ROBO4: variants seen among roughly 807,000 people sequenced by gnomAD.
ROBO4 encodes the protein roundabout homolog 4.
A neutral mutation model predicts 103.3 loss-of-function variants in ROBO4; 80 were observed. That is an observed-to-expected ratio of 0.77 (90% CI 0.65 to 0.93). The LOEUF (loss-of-function observed/expected upper bound fraction) is 0.93. Among genes scored for constraint, ROBO4 ranks in the 40% least tolerant of loss-of-function variants. The pLI is 0.00. For synonymous variants in ROBO4, 504 were observed against 529.7 expected, an observed-to-expected ratio of 0.95 and a Z score of 0.67; for missense variants, 1,333 against 1,305.3, an observed-to-expected ratio of 1.02 and a Z score of -0.33.
In ROBO4 at chr11:124,896,104, A is replaced by T. The variant is rs1175030793; in HGVS notation, c.679+94T>A. On this transcript the variant is annotated intron_variant, in intron 4 of 17. Transcript: ENST00000306534. The stretch of plus-strand genomic sequence containing the variant: ...TGAGACCCCCAGCACTTTGACCCTG[A>T]CCCCACATACCTTAACCCCAGCCCA... The T allele has an allele frequency of 3.9e-6, 6 of 1,554,212 alleles. No individual in the cohort carries two copies. In the Admixed American group the frequency reaches 1.1e-4, roughly 28 times the overall value.
intron 1 of ROBO4, 154 bp downstream of exon 1, chr11:124,897,572 A>G (rs1946918962): frequency 6.2e-6 from 4 of 642,182 alleles, no homozygotes; most frequent in South Asian, 5.9e-5. Flanking sequence ...ACATGCACAA[A>G]CACACATACA....
chr11:124,889,181 T>C (rs1022294270), intron 12 of ROBO4, among the ~76,000 whole-genome samples: 3 of 152,196 alleles, frequency 2.0e-5, no homozygotes, highest in Non-Finnish European at 4.4e-5. Flanking sequence ...CTTTGGCTGT[T>C]TGGTTTTTAT....
At position 124,887,507 on chromosome 11, in the gene ROBO4, A is replaced by G; in HGVS notation, c.2057-8T>C. On this transcript the variant is annotated splice_polypyrimidine_tract_variant and splice_region_variant and intron_variant, in intron 13 of 17. Coordinates refer to ENST00000306534, the MANE Select transcript of ROBO4 (RefSeq NM_019055.6). The stretch of plus-strand genomic sequence containing the variant: ...GAGCTTGGGGCACAGCTCCTGGGGA[A>G]GAGAAGCCTGGGTGTGAGAACAGTG... 1.9e-6 allele frequency: 3 copies of G among 1,613,310 alleles called. No individual in the cohort carries two copies. The highest frequency in any genetic ancestry group is 2.5e-6 in the Non-Finnish European group (3 of 1,179,744).
intron 6 of ROBO4, 121 bp from the exon 7 acceptor site, chr11:124,895,314 T>TG (rs746945109): frequency 1.2e-4 from 137 of 1,151,042 alleles, no homozygotes; most frequent in Non-Finnish European, 1.6e-4. Flanking sequence ...CTTGAAGCTC[T>TG]GCTGGCCTGG....
chr11:124,886,536 G>C lies in ROBO4; in HGVS notation c.2722C>G (p.Arg908Gly), dbSNP rs377333725. Residue 908 changes from arginine (R) to glycine (G), a missense_variant, in exon 16 of 18, where the codon CGG (arginine) becomes GGG (glycine). By Grantham distance (125) the Arg-to-Gly change is moderately radical. Coordinates refer to ENST00000306534, the MANE Select transcript of ROBO4 (RefSeq NM_019055.6). Reference protein sequence around the residue: ...GSFLADAHFARALAVAVDSFG... With the variant: ...GSFLADAHFAGALAVAVDSFG... Reference sequence around the variant, plus strand: ...CTATCCACAGCCACTGCCAGGGCCCGGGCAAAGTGAGCATCAGCGAGGAAG... The same window carrying C: ...CTATCCACAGCCACTGCCAGGGCCCCGGCAAAGTGAGCATCAGCGAGGAAG... 16 of 1,614,058 alleles carry C rather than the reference G, an allele frequency of 9.9e-6. No homozygotes were observed. Among genetic ancestry groups the C allele is most frequent in the Non-Finnish European group, 1.3e-5 (15 of 1,180,042 alleles).
At chr11:124,887,648 C>G in intron 13 of ROBO4, 85 bp downstream of exon 13, 1 of 1,535,856 alleles carries the variant, frequency 6.5e-7, no homozygotes, top group African/African-American at 1.4e-5. Context: ...AGGATGAGCC[C>G]GTGGGAGGGC....
chr11:124,887,255 C>A, intron 14 of ROBO4, 42 bp from the exon 15 acceptor site: 1 of 1,589,740 alleles, frequency 6.3e-7, no homozygotes, highest in East Asian at 2.2e-5. Flanking sequence ...GTTACTACAG[C>A]TCTTCAAGTC....
chr11:124,897,028 C>T lies in ROBO4; in HGVS notation c.304G>A (p.Gly102Ser), dbSNP rs765219438. The change falls in exon 2 of 18, where the codon GGC becomes AGC. Residue 102 changes from glycine (G) to serine (S), a missense_variant. Gly to Ser is a moderately conservative substitution (Grantham distance 56, BLOSUM62 0). Transcript: ENST00000306534. ...QPPARGHAHD[G>S]QALSTDLGVY... The stretch of plus-strand genomic sequence containing the variant: ...CCCAGGTCTGTGGACAGGGCCTGGC[C>T]ATCGTGGGCATGTCCCCGGGCAGGG... 1 of 1,613,920 alleles carries T rather than the reference C, an allele frequency of 6.2e-7. No individual in the cohort carries two copies. The highest frequency in any genetic ancestry group is 1.3e-5 in the African/African-American group (1 of 74,938).
chr11:124,885,192 G>A lies in ROBO4; in HGVS notation c.2850C>T (p.Ser950=). Residue 950 remains serine (S), a synonymous_variant, in exon 17 of 18, where the codon TCC becomes TCT. Coordinates refer to ENST00000306534, the MANE Select transcript of ROBO4 (RefSeq NM_019055.6). ...RDEIFLTPNL[S]LPLWEWRPDW... ...CTGGCCTCCACTCCCACAGGGGCAGGGAGAGGTTGGGGGTCAGGAAGATCT... is the reference window on the plus strand; with the variant it reads ...CTGGCCTCCACTCCCACAGGGGCAGAGAGAGGTTGGGGGTCAGGAAGATCT... 6.2e-7 allele frequency: 1 copy of A among 1,613,904 alleles called. No individual in the cohort carries two copies. The highest frequency in any genetic ancestry group is 8.5e-7 in the Non-Finnish European group (1 of 1,180,030).
At position 124,894,050 on chromosome 11, in the gene ROBO4, A is replaced by G; in HGVS notation, c.1319-5T>C. 1.9e-6 allele frequency: 3 copies of G among 1,544,370 alleles called. No homozygotes were observed. The highest frequency in any genetic ancestry group is 2.6e-6 in the Non-Finnish European group (3 of 1,144,786). On this transcript the variant is annotated splice_polypyrimidine_tract_variant and splice_region_variant and intron_variant, in intron 8 of 17. Transcript: ENST00000306534. ...TGGCTCGCTCCATGGCCTGCTCTGT[A>G]TGGGATGCAGAGCTCAGAGGGAGAG...
At position 124,897,201 on chromosome 11, in the gene ROBO4, T is replaced by G. The variant is rs766405822; in HGVS notation, c.131A>C (p.Gln44Pro). Residue 44 changes from glutamine (Q) to proline (P), a missense_variant, in exon 2 of 18, where the codon CAG becomes CCG. By Grantham distance (76) the Gln-to-Pro change is moderately conservative. Transcript: ENST00000306534. ...ILVHPQDQLF[Q>P]GPGPARMSCQ... is the part of the protein sequence containing the mutation. The stretch of plus-strand genomic sequence containing the variant: ...GCTCATCCTGGCAGGGCCAGGGCCC[T>G]GGAACAGCTGGTCCTGGGGGTGGAC... 8.0e-6 allele frequency: 12 copies of G among 1,501,686 alleles called. No homozygotes were observed. The highest frequency in any genetic ancestry group is 1.1e-5 in the Non-Finnish European group (12 of 1,125,632). The allele number at this position is 1,501,686 out of a possible 1,614,324, so 93.0% of individuals were successfully genotyped here. A position where few individuals can be genotyped will look rare whatever the true frequency, so the allele number is the denominator to read the frequency against.
Position 124,894,008 on chromosome 11 carries a change from C to A in ROBO4, c.1356G>T (p.Glu452Asp). The A allele has an allele frequency of 6.4e-7, 1 of 1,565,942 alleles. No individual in the cohort carries two copies. Among genetic ancestry groups the A allele is most frequent in the South Asian group, 1.2e-5 (1 of 82,126 alleles). ...GCTGCTCCAGGGTCCAGGGACCATGCTCACTGGGTTCTTGGGTGGCTCGCT... is the reference window on the plus strand; with the variant it reads ...GCTGCTCCAGGGTCCAGGGACCATGATCACTGGGTTCTTGGGTGGCTCGCT... The part of the protein sequence containing the change: ...AMERATQEPS[E>D]HGPWTLEQLR... The change falls in exon 9 of 18, where the codon GAG becomes GAT. Residue 452 changes from glutamate (E) to aspartate (D), a missense_variant. Transcript: ENST00000306534.
At chr11:124,891,629 C>T (rs374433332) in intron 11 of ROBO4, 37 bp downstream of exon 11, 13 of 1,614,198 alleles carry the variant, frequency 8.1e-6, no homozygotes, top group Non-Finnish European at 1.1e-5. Flanking sequence ...AGATCACTGC[C>T]CCCAGCTAGG....
rs1946880212 is a variant in ROBO4 at position 124,895,874 on chromosome 11, C to T, written c.718G>A (p.Val240Met). The T allele has an allele frequency of 1.2e-6, 2 of 1,614,060 alleles. No individual in the cohort carries two copies. Among genetic ancestry groups the T allele is most frequent in the African/African-American group, 1.3e-5 (1 of 75,012 alleles). Residue 240 changes from valine to methionine, a missense_variant, in exon 5 of 18, where the codon GTG becomes ATG. Coordinates refer to ENST00000306534, the MANE Select transcript of ROBO4 (RefSeq NM_019055.6). ...GTCACATTTTCCAGCTGAATTCGCA[C>T]AGCCAGAAGCTCCACAGGCTCCGTG... The part of the protein sequence containing the change: ...DYTEPVELLA[V>M]RIQLENVTLL...
Position 124,894,184 on chromosome 11 carries a change from G to C in ROBO4, c.1318+17C>G. The C allele has an allele frequency of 1.3e-6, 2 of 1,599,950 alleles. No homozygotes were observed. The highest frequency in any genetic ancestry group is 1.7e-6 in the Non-Finnish European group (2 of 1,171,318). On this transcript the variant is annotated intron_variant, in intron 8 of 17. Transcript: ENST00000306534. Reference sequence around the variant, plus strand: ...GCAGGCTGAAGGGTAGGGTGGGTCTGTGGGCACTGCCCTCACCTAAAAGGA... The same window carrying C: ...GCAGGCTGAAGGGTAGGGTGGGTCTCTGGGCACTGCCCTCACCTAAAAGGA...
At position 124,896,181 on chromosome 11, in the gene ROBO4, C is replaced by T. The variant is rs772789101; in HGVS notation, c.679+17G>A. 6.2e-7 allele frequency: 1 copy of T among 1,612,366 alleles called. No homozygotes were observed. The highest frequency in any genetic ancestry group is 2.2e-5 in the East Asian group (1 of 44,880). ...GCCTGCAGCCTGGCTCTGATTGTAG[C>T]CCACCCCTGCCCTTACCCTGGATGG... On this transcript the variant is annotated intron_variant, in intron 4 of 17. Coordinates refer to ENST00000306534, the MANE Select transcript of ROBO4 (RefSeq NM_019055.6).
intron 16 of ROBO4, 26 bp from the exon 17 acceptor site, chr11:124,885,273 T>A: frequency 6.3e-7 from 1 of 1,594,448 alleles, no homozygotes; most frequent in Non-Finnish European, 8.5e-7. Flanking sequence ...GAGGTGTCTG[T>A]GGGAGGTTGA....
At position 124,893,711 on chromosome 11, in the gene ROBO4, A is replaced by T; in HGVS notation, c.1524T>A (p.Ser508Arg). The change falls in exon 10 of 18, where the codon AGT becomes AGA. Residue 508 changes from serine (S) to arginine (R), a missense_variant. Ser to Arg is a moderately radical substitution (Grantham distance 110). Transcript: ENST00000306534. The part of the protein sequence containing the change: ...HLGPGLYRYT[S>R]EDAILKHRMD... ...ACCTGTGTTTTAGGATGGCATCCTC[A>T]CTGGTATATCTGTACAGACCTGGGA... is the stretch of plus-strand genomic sequence containing the variant. 6.2e-7 allele frequency: 1 copy of T among 1,613,912 alleles called. No homozygotes were observed. The highest frequency in any genetic ancestry group is 8.5e-7 in the Non-Finnish European group (1 of 1,179,928).
At position 124,895,180 on chromosome 11, in the gene ROBO4, T is replaced by C. The variant is rs781359739; in HGVS notation, c.1050A>G (p.Pro350=). ...CAGGCTTTAGAGTCACTTCCTGAGG[T>C]GGGGCACTGGGCACTGGAGGGGTGG... ...LRLPEKVPSA[P]PQEVTLKPGN... The change falls in exon 7 of 18, where the codon CCA becomes CCG. Residue 350 remains proline, a synonymous_variant. Coordinates refer to ENST00000306534, the MANE Select transcript of ROBO4 (RefSeq NM_019055.6). 2 of 1,613,402 alleles carry C rather than the reference T, an allele frequency of 1.2e-6. No homozygotes were observed. Among genetic ancestry groups the C allele is most frequent in the Non-Finnish European group, 1.7e-6 (2 of 1,179,748 alleles).
Sources: gnomAD v4.1 joint callset for allele counts (sites outside exome capture counted in the v4.1 genomes callset) on GRCh38, gnomAD v4.1.1 for gene constraint, MANE v1.5 for transcripts, NCBI Gene and HGNC (gene_info 2026-07-23, HGNC 2026-07-21) for gene names.